ALPK2: variants seen among roughly 807,000 people sequenced by gnomAD.
ALPK2 encodes alpha-protein kinase 2.
ALPK2 carries 127 observed loss-of-function variants against 163.1 expected under a neutral mutation model. The ratio of observed to expected loss-of-function variants is 0.78; its 90% CI spans 0.67 to 0.90. The LOEUF (loss-of-function observed/expected upper bound fraction) is 0.90. Among genes scored for constraint, ALPK2 ranks in the 40% least tolerant of loss-of-function variants. ALPK2 has a pLI of 0.00. For synonymous variants in ALPK2, 953 were observed against 959.1 expected, an observed-to-expected ratio of 0.99 and a Z score of 0.12; for missense variants, 2,360 against 2,589.6, an observed-to-expected ratio of 0.91 and a Z score of 1.92.
chr18:58,618,959 C>T (rs978821462), intron 1 of ALPK2, among the ~76,000 whole-genome samples: 4 of 152,204 alleles, frequency 2.6e-5, no homozygotes, highest in East Asian at 3.8e-4. Context: ...GCAGTCAGGG[C>T]GCCTACTCAG....
rs138230043 is a variant in ALPK2, at chr18:58,536,794, A to C, written c.3393T>G (p.Ser1131Arg). ...GCTGCTGGACCCCCTGCTTTGTTTC[A>C]CTTCCTCTTTCTTGGAAATTCTCTT... ...SYEENFQERG[S>R]ETKQGVQQQS... The change falls in exon 5 of 13, where the codon AGT (serine) becomes AGG (arginine). Residue 1131 changes from serine to arginine, a missense_variant. Physicochemically the swap from Ser to Arg is moderately radical, Grantham distance 110. Transcript: ENST00000361673. 2 of 1,613,832 alleles carry C rather than the reference A, an allele frequency of 1.2e-6. No homozygotes were observed. Among genetic ancestry groups the C allele is most frequent in the African/African-American group, 2.7e-5 (2 of 74,858 alleles).
At chr18:58,525,116 C>G (rs1329676739) in intron 6 of ALPK2, among the ~76,000 whole-genome samples, 1 of 152,146 alleles carries the variant, frequency 6.6e-6, no homozygotes, top group East Asian at 1.9e-4. Flanking sequence ...AAAAATTCAC[C>G]TAGCTTGAGT....
intron 10 of ALPK2, among the ~76,000 whole-genome samples, chr18:58,513,576 T>C (rs2051505665): frequency 6.6e-6 from 1 of 152,214 alleles, no homozygotes; most frequent in African/African-American, 2.4e-5. Flanking sequence ...TGTTCTTTTC[T>C]TTAAAAAGGA....
chr18:58,505,013 G>A (rs1385558960), intron 10 of ALPK2, among the ~76,000 whole-genome samples: 1 of 152,106 alleles, frequency 6.6e-6, no homozygotes, highest in Non-Finnish European at 1.5e-5. Context: ...AGGAAGTCAG[G>A]CCTTGGGGGA....
chr18:58,557,559 C>T (rs2051799744), intron 4 of ALPK2, among the ~76,000 whole-genome samples: 1 of 152,006 alleles, frequency 6.6e-6, no homozygotes, highest in Non-Finnish European at 1.5e-5. Flanking sequence ...TGCTCAATTT[C>T]TCTGTGAACC....
intron 5 of ALPK2, among the ~76,000 whole-genome samples, 160 bp downstream of exon 5, chr18:58,534,674 T>C (rs114349402): frequency 6.6e-6 from 1 of 152,268 alleles, no homozygotes; most frequent in African/African-American, 2.4e-5. Context: ...TCCAGGTGAT[T>C]CTGATGCCAC....
rs2052086594 is a variant in ALPK2, at chr18:58,604,265, T to C, written c.227+3057A>G. ...TTTGGGCTATGAGCTAATCCAGGGG[T>C]TGACGGTATATAGCAGGAAATTTTG... On this transcript the variant is annotated intron_variant, in intron 3 of 12. Transcript: ENST00000361673. Among the ~76,000 whole-genome samples the C allele has an allele frequency of 2.0e-5, 3 of 152,192 alleles. No homozygotes were observed. The South Asian group carries it at 6.2e-4, about 32-fold the overall frequency.
intron 3 of ALPK2, among the ~76,000 whole-genome samples, chr18:58,597,874 G>A (rs537766043): frequency 5.0e-4 from 76 of 152,338 alleles, no homozygotes; most frequent in African/African-American, 1.7e-3. Flanking sequence ...AGTGCCCTTA[G>A]AAGAGATACC....
rs892044429 is a variant in ALPK2 at position 58,574,357 on chromosome 18, G to A, written c.1962+4457C>T. 2.0e-5 allele frequency among the ~76,000 whole-genome samples: 3 copies of A among 148,442 alleles called. 1 individual carries two copies. Among genetic ancestry groups the A allele is most frequent in the Middle Eastern group, 7.2e-3 (2 of 276 alleles). On this transcript the variant is annotated intron_variant, in intron 4 of 12. Coordinates refer to ENST00000361673, the MANE Select transcript of ALPK2 (RefSeq NM_052947.4). The stretch of plus-strand genomic sequence containing the variant: ...CCAGCTACTCAGGAGGCTGAGGCAG[G>A]AGAACCGCTTGAACCCAGGAGGCGG...
intron 11 of ALPK2, among the ~76,000 whole-genome samples, chr18:58,501,543 C>G (rs550146286): frequency 1.2e-4 from 19 of 152,274 alleles, no homozygotes; most frequent in African/African-American, 4.3e-4. Flanking sequence ...CGTACACATA[C>G]CAGAGCCCTC....
intron 1 of ALPK2, among the ~76,000 whole-genome samples, chr18:58,621,842 C>T (rs932253751): frequency 6.6e-6 from 1 of 152,160 alleles, no homozygotes; most frequent in African/African-American, 2.4e-5. Context: ...TGAGCACCTC[C>T]ATGTGCCCAA....
intron 4 of ALPK2, among the ~76,000 whole-genome samples, chr18:58,543,113 A>G (rs529680456): frequency 2.0e-5 from 3 of 152,178 alleles, no homozygotes; most frequent in African/African-American, 4.8e-5. Context: ...AAGAAGAGGA[A>G]CAGAGACCTG....
Position 58,536,913 on chromosome 18 carries a change from C to A in ALPK2, c.3274G>T (p.Gly1092Ter). The change falls in exon 5 of 13, where the codon GGA becomes TGA. Residue 1092 changes from glycine (G) to a stop codon, truncating the protein, a stop_gained. Coordinates refer to ENST00000361673, the MANE Select transcript of ALPK2 (RefSeq NM_052947.4). LOFTEE classifies it high-confidence loss of function. ...GGGGAATTACTGCAGAAACCCTCTCCCTCTGGGAGCTGCAGGACATGGTGT... is the reference window on the plus strand; with the variant it reads ...GGGGAATTACTGCAGAAACCCTCTCACTCTGGGAGCTGCAGGACATGGTGT... ...VPHHVLQLPE[G>*]EGFCSNSPLQ... The A allele has an allele frequency of 6.2e-7, 1 of 1,614,208 alleles. No individual in the cohort carries two copies. The highest frequency in any genetic ancestry group is 8.5e-7 in the Non-Finnish European group (1 of 1,180,024).
chr18:58,580,345 TC>T lies in ALPK2; in HGVS notation c.430del (p.Glu144AsnfsTer104), dbSNP rs759379425. On this transcript the variant is annotated frameshift_variant, in exon 4 of 13. Coordinates refer to ENST00000361673, the MANE Select transcript of ALPK2 (RefSeq NM_052947.4). LOFTEE classifies it high-confidence loss of function. ...EERANQIDEKEHPYKEEESIS... is the reference protein window; with the variant it reads ...EERANQIDEKXHPYKEEESIS... ...GCTTTCTTCTTCCTTATAAGGATGTTCCTTCTCATCAATCTGATTTGCCCTT... is the reference window on the plus strand; with the variant it reads ...GCTTTCTTCTTCCTTATAAGGATGTTCTTCTCATCAATCTGATTTGCCCTT... 1.9e-6 allele frequency: 3 copies of T among 1,614,044 alleles called. No individual in the cohort carries two copies. Among genetic ancestry groups the T allele is most frequent in the Non-Finnish European group, 2.5e-6 (3 of 1,180,036 alleles).
intron 3 of ALPK2, among the ~76,000 whole-genome samples, chr18:58,606,384 G>A (rs1003933898): frequency 5.9e-5 from 9 of 152,176 alleles, no homozygotes; most frequent in Non-Finnish European, 1.0e-4. Context: ...TGCTCAGCCT[G>A]TTACTTTAAA....
intron 5 of ALPK2, among the ~76,000 whole-genome samples, chr18:58,534,345 A>G (rs1165417522): frequency 6.6e-6 from 1 of 152,208 alleles, no homozygotes; most frequent in African/African-American, 2.4e-5. Context: ...TTAATGAAAA[A>G]TCAGTGATTA....
intron 1 of ALPK2, among the ~76,000 whole-genome samples, chr18:58,612,146 T>C (rs937128062): frequency 1.3e-5 from 2 of 152,168 alleles, no homozygotes; most frequent in Non-Finnish European, 2.9e-5. Flanking sequence ...GGGGGTGCCC[T>C]GATTAAGAAC....
Position 58,592,711 on chromosome 18 carries a change from C to T in ALPK2, c.228-12163G>A, listed in dbSNP as rs146239068. Among the ~76,000 whole-genome samples the T allele has an allele frequency of 6.0e-4, 92 of 152,248 alleles. 1 individual carries two copies. The Middle Eastern group carries it at 0.014, about 23-fold the overall frequency. ...TTTTCTTCTTCACCCGAGGACAATT[C>T]GAAGCCGATTGCAGAGGCAGTTGGC... is the stretch of plus-strand genomic sequence containing the variant. On this transcript the variant is annotated intron_variant, in intron 3 of 12. Coordinates refer to ENST00000361673, the MANE Select transcript of ALPK2 (RefSeq NM_052947.4).
At chr18:58,617,055 G>T (rs2052173757) in intron 1 of ALPK2, among the ~76,000 whole-genome samples, 1 of 152,136 alleles carries the variant, frequency 6.6e-6, no homozygotes, top group African/African-American at 2.4e-5. Context: ...CCACAACTTT[G>T]GTCACGGAAG....
Sources: allele counts gnomAD v4.1 joint callset (sites outside exome capture counted in the v4.1 genomes callset), GRCh38; gene constraint gnomAD v4.1.1; transcripts MANE v1.5; gene names NCBI Gene and HGNC (gene_info 2026-07-23, HGNC 2026-07-21).